FBXL4: variants seen among roughly 807,000 people sequenced by gnomAD.
FBXL4 encodes the protein F-box/LRR-repeat protein 4.
A neutral mutation model predicts 58.9 loss-of-function variants in FBXL4; 40 were observed. The observed-to-expected ratio is 0.68, with a 90% confidence interval of 0.53 to 0.88. FBXL4 has a LOEUF of 0.88. Among genes scored for constraint, FBXL4 ranks in the 40% least tolerant of loss-of-function variants. FBXL4 has a pLI of 0.00. For synonymous variants in FBXL4, 263 were observed against 265.5 expected, an observed-to-expected ratio of 0.99 and a Z score of 0.09; for missense variants, 676 against 734.4, an observed-to-expected ratio of 0.92 and a Z score of 0.92.
chr6:98,882,637 A>C (rs920171779), intron 7 of FBXL4, among the ~76,000 whole-genome samples: 12 of 151,766 alleles, frequency 7.9e-5, no homozygotes, highest in African/African-American at 2.7e-4. Context: ...TATCAACTCA[A>C]TATTTTGTTT....
intron 7 of FBXL4, among the ~76,000 whole-genome samples, chr6:98,896,416 T>A (rs1396483405): frequency 6.6e-6 from 1 of 152,176 alleles, no homozygotes; most frequent in Non-Finnish European, 1.5e-5. Context: ...CTCTCCTTTT[T>A]CTAATTTACT....
rs1237928569 is a variant in FBXL4 at position 98,880,630 on chromosome 6, A to G, written c.1318-6T>C. On this transcript the variant is annotated splice_polypyrimidine_tract_variant and splice_region_variant and intron_variant, in intron 7 of 9. Coordinates refer to ENST00000369244, the MANE Select transcript of FBXL4 (RefSeq NM_001278716.2). ...ATGCTGAGCAGTGCTGTTTGCTGCC[A>G]TTAGGGACCACATCAGAGGCAAATA... The G allele has an allele frequency of 6.2e-7, 1 of 1,613,070 alleles. No individual in the cohort carries two copies. The highest frequency in any genetic ancestry group is 8.5e-7 in the Non-Finnish European group (1 of 1,179,300).
chr6:98,908,034 C>T (rs771390177), intron 5 of FBXL4, among the ~76,000 whole-genome samples: 7 of 152,112 alleles, frequency 4.6e-5, no homozygotes, highest in Non-Finnish European at 8.8e-5. Flanking sequence ...ATACCTAGAA[C>T]GATTGAATAA....
At chr6:98,916,102 C>G (rs1481497819) in intron 5 of FBXL4, among the ~76,000 whole-genome samples, 4 of 152,012 alleles carry the variant, frequency 2.6e-5, no homozygotes, top group African/African-American at 7.2e-5. Context: ...AAACGCAAAT[C>G]AAAACCACAA....
rs188389297 is a variant in FBXL4, at chr6:98,872,802, G to A, written c.*1476C>T. The A allele has an allele frequency of 6.6e-6, 1 of 152,222 alleles. No individual in the cohort carries two copies. Among genetic ancestry groups the A allele is most frequent in the Admixed American group, 6.6e-5 (1 of 15,266 alleles). 9.4% of individuals were successfully genotyped at this position (152,222 alleles called of 1,614,324 possible). A position where few individuals can be genotyped will look rare whatever the true frequency, so the allele number is the denominator to read the frequency against. The stretch of plus-strand genomic sequence containing the variant: ...CCAGATGGCCTGGGTTTATATGTTG[G>A]CTCTGCCACTAGCAGCTGTATGATC... On this transcript the variant is annotated 3_prime_UTR_variant, in exon 10 of 10. Coordinates refer to ENST00000369244, the MANE Select transcript of FBXL4 (RefSeq NM_001278716.2).
At chr6:98,930,109 C>T (rs572537512) in intron 2 of FBXL4, among the ~76,000 whole-genome samples, 27 of 152,312 alleles carry the variant, frequency 1.8e-4, no homozygotes, top group East Asian at 1.3e-3. Context: ...AATGATGCAT[C>T]ACAGTAAAAA....
intron 7 of FBXL4, among the ~76,000 whole-genome samples, chr6:98,881,685 G>A (rs898562476): frequency 4.6e-5 from 7 of 151,788 alleles, no homozygotes; most frequent in Admixed American, 4.6e-4. Flanking sequence ...AGTTACAATA[G>A]GCCACAGAGG....
At chr6:98,935,639 A>T (rs1339332782) in intron 1 of FBXL4, among the ~76,000 whole-genome samples, 1 of 149,444 alleles carries the variant, frequency 6.7e-6, no homozygotes, top group African/African-American at 2.5e-5. Flanking sequence ...AATACAAAAA[A>T]TTAGCCGGGC....
chr6:98,923,547 C>A (rs1462725843), intron 4 of FBXL4, among the ~76,000 whole-genome samples: 1 of 152,170 alleles, frequency 6.6e-6, no homozygotes, highest in Non-Finnish European at 1.5e-5. Flanking sequence ...CCTTTCCTAT[C>A]CACACTGGAG....
intron 4 of FBXL4, among the ~76,000 whole-genome samples, chr6:98,922,308 T>C (rs1772614695): frequency 6.6e-6 from 1 of 152,194 alleles, no homozygotes; most frequent in African/African-American, 2.4e-5. Flanking sequence ...ACTTCTCCAC[T>C]TCATTTACTG....
chr6:98,882,607 C>T (rs928798235), intron 7 of FBXL4, among the ~76,000 whole-genome samples: 2 of 151,814 alleles, frequency 1.3e-5, no homozygotes, highest in Non-Finnish European at 2.9e-5. Context: ...CCATAATAAC[C>T]ATGTAGCCAC....
At chr6:98,908,453 A>C (rs1191895415) in intron 5 of FBXL4, among the ~76,000 whole-genome samples, 1 of 152,158 alleles carries the variant, frequency 6.6e-6, no homozygotes, top group Non-Finnish European at 1.5e-5. Flanking sequence ...CCTATTGCAA[A>C]TAATACTGCA....
chr6:98,917,926 A>T (rs1416408746), intron 4 of FBXL4, among the ~76,000 whole-genome samples: 1 of 152,176 alleles, frequency 6.6e-6, no homozygotes, highest in African/African-American at 2.4e-5. Context: ...ATAAGTCCCC[A>T]AACAGTCCTT....
At chr6:98,912,503 G>T (rs1236754001) in intron 5 of FBXL4, among the ~76,000 whole-genome samples, 2 of 152,180 alleles carry the variant, frequency 1.3e-5, no homozygotes, top group Non-Finnish European at 2.9e-5. Flanking sequence ...CAAGCCAGAA[G>T]AGAGTGGGGG....
At position 98,917,625 on chromosome 6, in the gene FBXL4, T is replaced by C. The variant is rs779833991; in HGVS notation, c.607A>G (p.Asn203Asp). The C allele has an allele frequency of 6.2e-7, 1 of 1,613,972 alleles. No individual in the cohort carries two copies. Among genetic ancestry groups the C allele is most frequent in the Non-Finnish European group, 8.5e-7 (1 of 1,179,894 alleles). The change falls in exon 5 of 10, where the codon AAT becomes GAT. Residue 203 changes from asparagine to aspartate, a missense_variant. Physicochemically the swap from Asn to Asp is conservative, Grantham distance 23. Coordinates refer to ENST00000369244, the MANE Select transcript of FBXL4 (RefSeq NM_001278716.2). ...CTATTTACTTCCAGTCGTATAAGAT[T>C]TGTGGGGAAATTTATCTGCTTAATA... ...PCIKQINFPT[N>D]LIRLEVNSSL...
chr6:98,915,272 C>T (rs1330390451), intron 5 of FBXL4, among the ~76,000 whole-genome samples: 5 of 152,036 alleles, frequency 3.3e-5, no homozygotes, highest in Non-Finnish European at 7.4e-5. Flanking sequence ...TCAATGCCAT[C>T]CCCATCAAGC....
chr6:98,905,382 T>A, intron 6 of FBXL4, 44 bp downstream of exon 6: 1 of 1,603,466 alleles, frequency 6.2e-7, no homozygotes, highest in Non-Finnish European at 8.5e-7. Context: ...AAGTATAACC[T>A]GCTGCTGGGG....
chr6:98,884,679 C>T (rs796602480), intron 7 of FBXL4, among the ~76,000 whole-genome samples: 10 of 152,170 alleles, frequency 6.6e-5, no homozygotes, highest in African/African-American at 2.4e-4. Flanking sequence ...AATGTATTTT[C>T]ATTTATTTTG....
At chr6:98,912,205 G>A (rs180723541) in intron 5 of FBXL4, among the ~76,000 whole-genome samples, 29 of 152,328 alleles carry the variant, frequency 1.9e-4, no homozygotes, top group African/African-American at 6.0e-4. Context: ...TCTGATTGGC[G>A]TACCTGAAAG....
Sources: gnomAD v4.1 joint callset for allele counts (sites outside exome capture counted in the v4.1 genomes callset) on GRCh38, gnomAD v4.1.1 for gene constraint, MANE v1.5 for transcripts, NCBI Gene and HGNC (gene_info 2026-07-23, HGNC 2026-07-21) for gene names.